EBF1: variants seen among roughly 807,000 people sequenced by gnomAD.
EBF1 encodes transcription factor COE1.
In EBF1, 10 loss-of-function variants were observed where a neutral mutation model predicts 68.4. The ratio of observed to expected loss-of-function variants is 0.15; its 90% confidence interval spans 0.09 to 0.25. EBF1 has a LOEUF of 0.25. Ranked by LOEUF, EBF1 falls within the 10% of genes least tolerant of loss-of-function variation. The probability of loss-of-function intolerance (pLI) is 1.00; values close to 1 mark genes in which losing one functional copy is unlikely to be tolerated. For synonymous variants in EBF1, 298 were observed against 299.8 expected (o/e 0.99, Z 0.06); for missense variants, 509 against 794.4 (o/e 0.64, Z 4.32).
chr5:159,098,044 T>C (rs1454551486), intron 1 of EBF1, among the ~76,000 whole-genome samples: 2 of 152,202 alleles, frequency 1.3e-5, no homozygotes, highest in Non-Finnish European at 2.9e-5. Flanking sequence ...TAATACTCAG[T>C]GGGGATGGGA....
At chr5:159,017,388 G>A (rs989031215) in intron 6 of EBF1, among the ~76,000 whole-genome samples, 1 of 152,090 alleles carries the variant, frequency 6.6e-6, no homozygotes, top group Admixed American at 6.5e-5. Flanking sequence ...GATAACCCTG[G>A]GTTCAAATTC....
intron 7 of EBF1, among the ~76,000 whole-genome samples, chr5:158,825,062 G>A (rs146847684): frequency 2.0e-5 from 3 of 152,280 alleles, no homozygotes; most frequent in East Asian, 1.9e-4. Flanking sequence ...AATCATTTGG[G>A]GGATGACATG....
intron 9 of EBF1, among the ~76,000 whole-genome samples, chr5:158,782,145 A>C (rs997392296): frequency 2.6e-5 from 4 of 152,170 alleles, no homozygotes; most frequent in Non-Finnish European, 4.4e-5. Context: ...CTTGTTCTTG[A>C]AGACCCCAAT....
At chr5:158,791,893 T>C (rs1778679041) in intron 9 of EBF1, among the ~76,000 whole-genome samples, 1 of 152,172 alleles carries the variant, frequency 6.6e-6, no homozygotes, top group Non-Finnish European at 1.5e-5. Context: ...TAATTACCCA[T>C]GGTACCTATC....
chr5:158,983,132 T>C (rs1583656375), intron 6 of EBF1: 1 of 152,180 alleles, frequency 6.6e-6, no homozygotes, highest in Non-Finnish European at 1.5e-5. Context: ...ATCAAATTAC[T>C]GTGATGGCCC....
intron 7 of EBF1, among the ~76,000 whole-genome samples, chr5:158,835,632 C>A (rs1316392630): frequency 6.6e-6 from 1 of 152,122 alleles, no homozygotes; most frequent in African/African-American, 2.4e-5. Flanking sequence ...GTTACGAGAT[C>A]TCTTTATAGC....
At chr5:158,712,558 G>A (rs1161880508) in intron 13 of EBF1, among the ~76,000 whole-genome samples, 7 of 152,154 alleles carry the variant, frequency 4.6e-5, no homozygotes, top group South Asian at 2.1e-4. Flanking sequence ...TAGCAGGGCC[G>A]TGAGAAATGG....
At chr5:158,900,177 A>T (rs2127289190) in intron 6 of EBF1, among the ~76,000 whole-genome samples, 1 of 152,334 alleles carries the variant, frequency 6.6e-6, no homozygotes, top group Middle Eastern at 3.4e-3. Flanking sequence ...GTTCTTATCT[A>T]AGAAGATGTT....
At chr5:158,738,638 G>A (rs1159048425) in intron 10 of EBF1, among the ~76,000 whole-genome samples, 2 of 152,158 alleles carry the variant, frequency 1.3e-5, no homozygotes, top group East Asian at 3.8e-4. Flanking sequence ...ATATGCCCTT[G>A]ACGTAAATGT....
chr5:159,055,605 G>T (rs186198954), intron 6 of EBF1, among the ~76,000 whole-genome samples: 98 of 152,298 alleles, frequency 6.4e-4, no homozygotes, highest in Non-Finnish European at 1.1e-3. Context: ...AGAACTATTA[G>T]TACCTTGAAG....
At chr5:158,851,929 AGGGGAGGG>A (rs1792901336) in intron 6 of EBF1, among the ~76,000 whole-genome samples, 1 of 336 alleles carries the variant, frequency 3.0e-3, no homozygotes, top group South Asian at 0.062. Flanking sequence ...AGGGAAGGGT[AGGGGAGGG>A]GCAGGGGAAG....
chr5:158,746,173 A>G lies in EBF1; in HGVS notation c.1037-15016T>C, dbSNP rs1040683378. 2.6e-5 allele frequency among the ~76,000 whole-genome samples: 4 copies of G among 152,336 alleles called. No homozygotes were observed. In the East Asian group the frequency reaches 5.8e-4, roughly 22 times the overall value. On this transcript the variant is annotated intron_variant, in intron 10 of 15. Transcript: ENST00000313708. Reference sequence around the variant, plus strand: ...ACACGCATCATTAGAAGACTTTATGACAGGACGCTGTTAGAGCATAGCATT... The same window carrying G: ...ACACGCATCATTAGAAGACTTTATGGCAGGACGCTGTTAGAGCATAGCATT...
intron 7 of EBF1, among the ~76,000 whole-genome samples, chr5:158,833,207 G>T (rs1420965220): frequency 6.6e-6 from 1 of 151,334 alleles, no homozygotes; most frequent in Non-Finnish European, 1.5e-5. Context: ...TCTGAAGGCT[G>T]AGGCAGGAGA....
chr5:158,869,612 CA>C, intron 6 of EBF1, among the ~76,000 whole-genome samples: 1 of 133,276 alleles, frequency 7.5e-6, no homozygotes, highest in African/African-American at 2.8e-5. Context: ...CACACACACA[CA>C]CACACGTTTT....
At chr5:158,965,067 A>C (rs1753843000) in intron 6 of EBF1, among the ~76,000 whole-genome samples, 2 of 152,224 alleles carry the variant, frequency 1.3e-5, no homozygotes, top group Non-Finnish European at 2.9e-5. Flanking sequence ...CTGAACTATG[A>C]GTCAAAAACT....
chr5:158,717,405 G>T lies in EBF1; in HGVS notation c.1126-3223C>A, dbSNP rs138136763. Among the ~76,000 whole-genome samples the T allele has an allele frequency of 9.2e-3, 1,407 of 152,198 alleles. 7 individuals are homozygous for T. Among genetic ancestry groups the T allele is most frequent in the Non-Finnish European group, 0.015 (1,025 of 67,974 alleles). The stretch of plus-strand genomic sequence containing the variant: ...TGTTCTTAAATTCTTATTTTTTGTG[G>T]CATTAGGCAGGAGCACAGTCTAAGG... On this transcript the variant is annotated intron_variant, in intron 11 of 15. Coordinates refer to ENST00000313708, the MANE Select transcript of EBF1 (RefSeq NM_024007.5).
intron 6 of EBF1, among the ~76,000 whole-genome samples, chr5:159,003,453 A>G (rs1762952711): frequency 7.7e-6 from 1 of 129,602 alleles, no homozygotes; most frequent in African/African-American, 2.9e-5. Context: ...AGGAAACACA[A>G]CTGCAGGAAA....
At chr5:158,889,496 T>C (rs1318650629) in intron 6 of EBF1, among the ~76,000 whole-genome samples, 3 of 152,152 alleles carry the variant, frequency 2.0e-5, no homozygotes, top group African/African-American at 7.2e-5. Context: ...AAAACCTCAA[T>C]GATGGCAAAG....
intron 6 of EBF1, among the ~76,000 whole-genome samples, chr5:158,939,356 C>CA (rs1812747852): frequency 6.6e-6 from 1 of 152,128 alleles, no homozygotes; most frequent in South Asian, 2.1e-4. Flanking sequence ...AATTCAGAGG[C>CA]AAGATGAGTA....
Sources: allele counts gnomAD v4.1 joint callset (sites outside exome capture counted in the v4.1 genomes callset), GRCh38; gene constraint gnomAD v4.1.1; transcripts MANE v1.5; gene names NCBI Gene and HGNC (gene_info 2026-07-23, HGNC 2026-07-21).